SND1: variants seen among roughly 807,000 people sequenced by gnomAD.
SND1 encodes staphylococcal nuclease and tudor domain containing 1, also known as staphylococcal nuclease domain-containing protein 1.
Under a neutral mutation model 121.7 loss-of-function variants are expected in SND1, and 38 were observed. That is an observed-to-expected ratio of 0.31 (90% CI 0.24 to 0.41). SND1 has a LOEUF of 0.41. Ranked by LOEUF, SND1 falls within the 10% of genes least tolerant of loss-of-function variation. The pLI, the probability that SND1 is intolerant of heterozygous loss-of-function variation, is 1.00. For missense variants in SND1, 868 were observed against 1,184.6 expected (o/e 0.73, Z 3.92); for synonymous variants, 401 against 447.4 (o/e 0.90, Z 1.31).
chr7:128,006,399 T>C (rs1239397528), intron 16 of SND1, among the ~76,000 whole-genome samples: 1 of 152,144 alleles, frequency 6.6e-6, no homozygotes, highest in Non-Finnish European at 1.5e-5. Context: ...GGTAATGGGG[T>C]ATCCTCCCCC....
intron 15 of SND1, among the ~76,000 whole-genome samples, chr7:127,946,126 A>G (rs1801324760): frequency 6.6e-6 from 1 of 152,198 alleles, no homozygotes; most frequent in South Asian, 2.1e-4. Context: ...AGTGACCCTA[A>G]GTAGGAAGTG....
chr7:127,935,423 A>G (rs1801041452), intron 15 of SND1, among the ~76,000 whole-genome samples: 1 of 152,182 alleles, frequency 6.6e-6, no homozygotes, highest in South Asian at 2.1e-4. Flanking sequence ...AATATTGGCA[A>G]ATGAGGTTAT....
chr7:128,019,452 G>C (rs968847030), intron 16 of SND1, among the ~76,000 whole-genome samples: 25 of 152,216 alleles, frequency 1.6e-4, no homozygotes, highest in African/African-American at 5.1e-4. Context: ...GGAATCATTA[G>C]AGTCAGGCCA....
At chr7:128,076,469 G>C (rs1793508120) in intron 17 of SND1, among the ~76,000 whole-genome samples, 3 of 152,212 alleles carry the variant, frequency 2.0e-5, no homozygotes, top group Admixed American at 2.0e-4. Flanking sequence ...CAAGGATCCT[G>C]AGGAACCGAG....
intron 10 of SND1, among the ~76,000 whole-genome samples, chr7:127,756,476 G>A (rs1484756068): frequency 6.6e-6 from 1 of 152,182 alleles, no homozygotes; most frequent in African/African-American, 2.4e-5. Context: ...ATATGGTGGG[G>A]GTATGTTTTC....
chr7:127,680,099 C>T (rs576669184), intron 1 of SND1, among the ~76,000 whole-genome samples: 1 of 152,180 alleles, frequency 6.6e-6, no homozygotes, highest in East Asian at 1.9e-4. Flanking sequence ...CGGTAGGTTC[C>T]GTGATGCCCC....
At chr7:127,953,339 T>A (rs1801512181) in intron 15 of SND1, among the ~76,000 whole-genome samples, 1 of 151,956 alleles carries the variant, frequency 6.6e-6, no homozygotes, top group Non-Finnish European at 1.5e-5. Flanking sequence ...CCCCTGAACT[T>A]TTCCTCCCTC....
chr7:127,941,945 C>T (rs1162440076), intron 15 of SND1, among the ~76,000 whole-genome samples: 1 of 123,708 alleles, frequency 8.1e-6, no homozygotes, highest in African/African-American at 3.2e-5. Context: ...TTTGTGAGTG[C>T]TACTGATTGG....
chr7:127,776,459 TA>T (rs1381794752), intron 10 of SND1, among the ~76,000 whole-genome samples: 1 of 152,004 alleles, frequency 6.6e-6, no homozygotes, highest in Non-Finnish European at 1.5e-5. Flanking sequence ...TTCTAGAATA[TA>T]AAAATGAAAA....
chr7:128,048,945 T>C (rs1327220893), intron 16 of SND1, among the ~76,000 whole-genome samples: 1 of 152,204 alleles, frequency 6.6e-6, no homozygotes, highest in Non-Finnish European at 1.5e-5. Context: ...CGGGTGTTTG[T>C]CTGATCTGTC....
intron 12 of SND1, among the ~76,000 whole-genome samples, chr7:127,852,893 A>G (rs543506473): frequency 1.3e-5 from 2 of 152,230 alleles, no homozygotes; most frequent in Non-Finnish European, 2.9e-5. Context: ...TGTTGCCTTT[A>G]TTTTGTTCCT....
At chr7:127,832,778 G>A (rs534310194) in intron 11 of SND1, among the ~76,000 whole-genome samples, 2 of 152,312 alleles carry the variant, frequency 1.3e-5, no homozygotes, top group East Asian at 3.9e-4. Context: ...TAGGAAGCAG[G>A]CTGCACAGCA....
chr7:127,901,903 ATAATAT>A (rs1269705489), intron 13 of SND1, among the ~76,000 whole-genome samples: 1 of 152,246 alleles, frequency 6.6e-6, no homozygotes, highest in Non-Finnish European at 1.5e-5. Flanking sequence ...TAGAGCATGA[ATAATAT>A]TAATACTAAG....
At chr7:127,903,512 CTT>C (rs1008721456) in intron 13 of SND1, among the ~76,000 whole-genome samples, 1 of 152,072 alleles carries the variant, frequency 6.6e-6, no homozygotes, top group Non-Finnish European at 1.5e-5. Flanking sequence ...AGTAGGAAAA[CTT>C]TTGTTGTTTC....
intron 16 of SND1, among the ~76,000 whole-genome samples, chr7:128,049,599 G>C (rs1214086167): frequency 6.6e-6 from 1 of 152,178 alleles, no homozygotes; most frequent in Non-Finnish European, 1.5e-5. Flanking sequence ...TGAAGTGTCA[G>C]TGCAGCAGGA....
At chr7:127,935,255 C>A (rs948305470) in intron 15 of SND1, among the ~76,000 whole-genome samples, 1 of 152,054 alleles carries the variant, frequency 6.6e-6, no homozygotes, top group African/African-American at 2.4e-5. Context: ...AAAGTAAAAG[C>A]CAAAGGGTGA....
At chr7:127,908,882 T>C (rs550160365) in intron 14 of SND1, among the ~76,000 whole-genome samples, 2 of 152,136 alleles carry the variant, frequency 1.3e-5, no homozygotes, top group Non-Finnish European at 2.9e-5. Context: ...AAACAGGCAA[T>C]AAAATGGGGC....
At chr7:128,055,179 T>TC (rs1486950424) in intron 16 of SND1, among the ~76,000 whole-genome samples, 1 of 152,280 alleles carries the variant, frequency 6.6e-6, no homozygotes, top group East Asian at 1.9e-4. Context: ...GTAGATCCAG[T>TC]CAGGGGGTTG....
chr7:127,944,024 A>G (rs1026853618), intron 15 of SND1, among the ~76,000 whole-genome samples: 2 of 152,210 alleles, frequency 1.3e-5, no homozygotes, highest in Non-Finnish European at 2.9e-5. Context: ...AGTTCTCTGC[A>G]TCTACTTCCA....
Sources: allele counts gnomAD v4.1 joint callset (sites outside exome capture counted in the v4.1 genomes callset), GRCh38; gene constraint gnomAD v4.1.1; transcripts MANE v1.5; gene names NCBI Gene and HGNC (gene_info 2026-07-23, HGNC 2026-07-21).